Variants in SEMA5A observed in about 807,000 individuals in gnomAD.
SEMA5A encodes the protein semaphorin 5A.
Under a neutral mutation model 135.5 loss-of-function variants are expected in SEMA5A, and 55 were observed. The observed-to-expected ratio is 0.41, with a 90% CI of 0.33 to 0.51. The LOEUF is 0.51. Ranked by LOEUF, SEMA5A falls within the 20% of genes least tolerant of loss-of-function variation. The pLI is 0.37. For missense variants in SEMA5A, 1,290 were observed against 1,419.9 expected, an observed-to-expected ratio of 0.91 and a Z score of 1.47; for synonymous variants, 580 against 546.5, an observed-to-expected ratio of 1.06 and a Z score of -0.85.
chr5:9,302,539 C>T (rs1177902518), intron 5 of SEMA5A, among the ~76,000 whole-genome samples: 1 of 152,194 alleles, frequency 6.6e-6, no homozygotes, highest in African/African-American at 2.4e-5. Context: ...TTCATGCTCT[C>T]ATTCATGTGT....
intron 11 of SEMA5A, among the ~76,000 whole-genome samples, chr5:9,163,735 G>A (rs1448945457): frequency 3.3e-5 from 5 of 151,768 alleles, no homozygotes; most frequent in East Asian, 1.9e-4. Context: ...GCCCTCATCT[G>A]ATATGAGTGT....
intron 16 of SEMA5A, among the ~76,000 whole-genome samples, chr5:9,093,353 G>C (rs1209197882): frequency 6.6e-6 from 1 of 152,156 alleles, no homozygotes; most frequent in Non-Finnish European, 1.5e-5. Flanking sequence ...GAGTTCTACT[G>C]TGTAAATTTT....
intron 16 of SEMA5A, among the ~76,000 whole-genome samples, chr5:9,088,516 G>A (rs1040495080): frequency 4.0e-5 from 6 of 150,208 alleles, no homozygotes; most frequent in Non-Finnish European, 8.9e-5. Context: ...ACACCCTGAA[G>A]TTTTCTAATC....
rs547927262 is a variant in SEMA5A, at chr5:9,494,979, A to G, written c.-175+50605T>C. Reference sequence around the variant, plus strand: ...TTTAAAAATTTTTAACTGTCCATATATATTAAAATATTTATTCTGAAATTA... The same window carrying G: ...TTTAAAAATTTTTAACTGTCCATATGTATTAAAATATTTATTCTGAAATTA... On this transcript the variant is annotated intron_variant, in intron 1 of 22. Coordinates refer to ENST00000382496, the MANE Select transcript of SEMA5A (RefSeq NM_003966.3). Among the ~76,000 whole-genome samples the G allele has an allele frequency of 2.0e-5, 3 of 152,328 alleles. No homozygotes were observed. In the East Asian group the frequency reaches 5.8e-4, roughly 29 times the overall value.
intron 1 of SEMA5A, among the ~76,000 whole-genome samples, chr5:9,542,252 T>C (rs1738133212): frequency 6.6e-6 from 1 of 152,312 alleles, no homozygotes; most frequent in Non-Finnish European, 1.5e-5. Flanking sequence ...TATACAGGAA[T>C]TGGAAACAGG....
chr5:9,339,374 A>G (rs1054441622), intron 3 of SEMA5A, among the ~76,000 whole-genome samples: 4 of 152,172 alleles, frequency 2.6e-5, no homozygotes, highest in Middle Eastern at 3.2e-3. Context: ...AGACAGCAAC[A>G]TGGGAGGCCA....
At chr5:9,068,896 A>G (rs1235047015) in intron 16 of SEMA5A, among the ~76,000 whole-genome samples, 1 of 152,198 alleles carries the variant, frequency 6.6e-6, no homozygotes, top group African/African-American at 2.4e-5. Flanking sequence ...CAAAATCAGC[A>G]AAGAGAAAAT....
At chr5:9,192,978 T>C (rs1745196978) in intron 10 of SEMA5A, among the ~76,000 whole-genome samples, 1 of 152,192 alleles carries the variant, frequency 6.6e-6, no homozygotes, top group South Asian at 2.1e-4. Context: ...GAGTTCTCGG[T>C]GGCAGGGGTG....
At chr5:9,515,926 A>G (rs576924215) in intron 1 of SEMA5A, among the ~76,000 whole-genome samples, 3 of 152,344 alleles carry the variant, frequency 2.0e-5, no homozygotes, top group East Asian at 1.9e-4. Context: ...CACCTCATAA[A>G]TGAAAGTGGG....
chr5:9,162,521 T>C, intron 11 of SEMA5A, among the ~76,000 whole-genome samples: 1 of 74,484 alleles, frequency 1.3e-5, no homozygotes, highest in Admixed American at 1.4e-4. Context: ...TATATGTGTA[T>C]ATGTGTATAT....
intron 11 of SEMA5A, among the ~76,000 whole-genome samples, chr5:9,169,799 A>C (rs997485545): frequency 2.6e-5 from 4 of 152,194 alleles, no homozygotes; most frequent in Non-Finnish European, 4.4e-5. Context: ...TGCCCTCATG[A>C]TAATTACCCA....
chr5:9,542,585 A>G (rs1454772192), intron 1 of SEMA5A, among the ~76,000 whole-genome samples: 1 of 152,214 alleles, frequency 6.6e-6, no homozygotes, highest in Non-Finnish European at 1.5e-5. Context: ...AACACATAAA[A>G]ACTTGTCACC....
chr5:9,068,688 C>T (rs1737607337), intron 16 of SEMA5A, among the ~76,000 whole-genome samples: 1 of 152,000 alleles, frequency 6.6e-6, no homozygotes, highest in Admixed American at 6.6e-5. Context: ...TGTTGTTTTG[C>T]CACTAACAAA....
chr5:9,305,265 T>C (rs1471394604), intron 5 of SEMA5A, among the ~76,000 whole-genome samples: 1 of 152,218 alleles, frequency 6.6e-6, no homozygotes, highest in Non-Finnish European at 1.5e-5. Context: ...CATGGATATT[T>C]TTATTTCTAT....
At chr5:9,267,305 C>G (rs553102083) in intron 5 of SEMA5A, among the ~76,000 whole-genome samples, 1 of 152,266 alleles carries the variant, frequency 6.6e-6, no homozygotes, top group East Asian at 1.9e-4. Flanking sequence ...TACTTTGCCT[C>G]TATATCGCGC....
chr5:9,236,144 T>C (rs1032727719), intron 6 of SEMA5A, among the ~76,000 whole-genome samples: 2 of 152,078 alleles, frequency 1.3e-5, no homozygotes, highest in African/African-American at 4.8e-5. Context: ...ATGGGAATTA[T>C]GGAAGCTATA....
chr5:9,063,187 G>A, intron 17 of SEMA5A, 82 bp from the exon 18 acceptor site: 1 of 1,323,892 alleles, frequency 7.6e-7, no homozygotes, highest in Non-Finnish European at 1.1e-6. Context: ...TTCTGTATCT[G>A]CTGTCTGCCT....
chr5:9,531,452 G>T (rs899585944), intron 1 of SEMA5A, among the ~76,000 whole-genome samples: 3 of 152,170 alleles, frequency 2.0e-5, no homozygotes, highest in Non-Finnish European at 2.9e-5. Context: ...TGCCAGATGG[G>T]CATGTACCTT....
chr5:9,187,605 T>C (rs1744878054), intron 11 of SEMA5A, among the ~76,000 whole-genome samples: 1 of 152,052 alleles, frequency 6.6e-6, no homozygotes, highest in African/African-American at 2.4e-5. Flanking sequence ...TGTCAAAGAG[T>C]TCTACATATG....
Sources: gnomAD v4.1 joint callset for allele counts (sites outside exome capture counted in the v4.1 genomes callset) on GRCh38, gnomAD v4.1.1 for gene constraint, MANE v1.5 for transcripts, NCBI Gene and HGNC (gene_info 2026-07-23, HGNC 2026-07-21) for gene names.